The following ESRRG variants were observed in gnomAD, a reference collection of about 807,000 sequenced individuals.
ESRRG encodes estrogen-related receptor gamma.
In ESRRG, 13 loss-of-function variants were observed where a neutral mutation model predicts 44.0. The observed-to-expected ratio is 0.30, with a 90% CI of 0.19 to 0.47. The LOEUF is 0.47. Ranked by LOEUF, ESRRG falls within the 20% of genes least tolerant of loss-of-function variation. ESRRG has a pLI of 1.00. For missense variants in ESRRG, 395 were observed against 580.6 expected (o/e 0.68, Z 3.29); for synonymous variants, 215 against 214.6 (o/e 1.00, Z -0.02).
intron 1 of ESRRG, among the ~76,000 whole-genome samples, chr1:217,014,788 A>G (rs528851033): frequency 6.6e-6 from 1 of 152,302 alleles, no homozygotes; most frequent in Admixed American, 6.5e-5. Flanking sequence ...AGTTGGGTTC[A>G]ATTATTTTTA....
chr1:216,519,504 C>A, intron 5 of ESRRG, 83 bp from the exon 6 acceptor site: 1 of 1,321,814 alleles, frequency 7.6e-7, no homozygotes, highest in Non-Finnish European at 1.0e-6. Flanking sequence ...TAGCTGGCTT[C>A]TGCATCAGTG....
chr1:216,624,045 G>A (rs1469496976), intron 3 of ESRRG, among the ~76,000 whole-genome samples: 1 of 152,114 alleles, frequency 6.6e-6, no homozygotes, highest in African/African-American at 2.4e-5. Context: ...TTTCCTCTAA[G>A]ATACACTAAG....
chr1:216,918,834 G>A lies in ESRRG; in HGVS notation c.-14+20748C>T, dbSNP rs572940753. Among the ~76,000 whole-genome samples, 355 of 148,050 alleles carry A rather than the reference G, an allele frequency of 2.4e-3. 3 individuals are homozygous for A. The highest frequency in any genetic ancestry group is 7.8e-3 in the African/African-American group (319 of 40,764). On this transcript the variant is annotated intron_variant, in intron 2 of 7. Coordinates refer to the ESRRG transcript ENST00000359162. Reference sequence around the variant, plus strand: ...GAAAACCAGAGTAACATTTCTGATCGTAGATATATATATAATAATATATAT... The same window carrying A: ...GAAAACCAGAGTAACATTTCTGATCATAGATATATATATAATAATATATAT...
At chr1:216,986,451 T>C (rs2150451752) in intron 1 of ESRRG, among the ~76,000 whole-genome samples, 2 of 152,194 alleles carry the variant, frequency 1.3e-5, no homozygotes, top group Middle Eastern at 6.8e-3. Context: ...TGGTGGCTCA[T>C]GCCTCTAATC....
intron 5 of ESRRG, among the ~76,000 whole-genome samples, chr1:216,537,123 T>C (rs12118884): frequency 0.21 from 32,486 of 151,862 alleles, 4,054 homozygotes; most frequent in Non-Finnish European, 0.27. Context: ...TCGCCAAAGG[T>C]ATGACATTAG....
At chr1:216,776,875 A>T (rs1171588700) in intron 2 of ESRRG, among the ~76,000 whole-genome samples, 1 of 152,170 alleles carries the variant, frequency 6.6e-6, no homozygotes, top group East Asian at 1.9e-4. Flanking sequence ...GGACAGGGAC[A>T]GAAGAGCCAC....
intron 1 of ESRRG, among the ~76,000 whole-genome samples, chr1:216,960,107 T>C (rs1237988068): frequency 1.3e-5 from 2 of 150,950 alleles, no homozygotes; most frequent in Non-Finnish European, 3.0e-5. Flanking sequence ...GAATTACAAA[T>C]AGAACATTGA....
intron 3 of ESRRG, among the ~76,000 whole-genome samples, chr1:216,582,231 C>T (rs1169317654): frequency 2.0e-5 from 3 of 152,116 alleles, no homozygotes; most frequent in East Asian, 1.9e-4. Context: ...ACCCACACAT[C>T]CAGACCTAGC....
At chr1:216,920,413 TGTGTGTGCGC>T (rs1560114676) in intron 2 of ESRRG, among the ~76,000 whole-genome samples, 4 of 122,358 alleles carry the variant, frequency 3.3e-5, no homozygotes, top group Admixed American at 8.5e-5. Flanking sequence ...TGTGTGTGTG[TGTGTGTGCGC>T]ATATTTTTCT....
chr1:216,912,140 GAAAAGAAA>G, intron 2 of ESRRG, among the ~76,000 whole-genome samples: 1 of 27,006 alleles, frequency 3.7e-5, no homozygotes, highest in Non-Finnish European at 6.3e-5. Context: ...GAAAAGAAAA[GAAAAGAAA>G]AGAAAAGAAA....
rs187294759 is a variant in ESRRG, at chr1:217,080,683, T to G, written c.-106+8824A>C. ...TTTTGTTTTTTTGGTTTTTTTTTTT[T>G]TTTTTTTTTTTTGAGACAGAGTCTC... On this transcript the variant is annotated intron_variant, in intron 1 of 7. Coordinates refer to the ESRRG transcript ENST00000359162. Among the ~76,000 whole-genome samples the G allele has an allele frequency of 7.0e-4, 66 of 94,762 alleles. 1 individual carries two copies. In the East Asian group the frequency reaches 0.014, roughly 21 times the overall value. The allele number at this position is 94,762 out of a possible 152,430, so 62.2% of individuals were successfully genotyped here.
chr1:216,715,959 T>C (rs1250082123), intron 1 of ESRRG, among the ~76,000 whole-genome samples: 1 of 152,080 alleles, frequency 6.6e-6, no homozygotes, highest in African/African-American at 2.4e-5. Context: ...CTTCTGCCTA[T>C]TTTCTGTACA....
At chr1:217,059,908 G>A (rs1247507116) in intron 1 of ESRRG, among the ~76,000 whole-genome samples, 1 of 152,024 alleles carries the variant, frequency 6.6e-6, no homozygotes, top group Non-Finnish European at 1.5e-5. Context: ...TTTTTTAAAT[G>A]GGAAAGACTA....
intron 1 of ESRRG, among the ~76,000 whole-genome samples, chr1:216,942,486 C>T (rs557775033): frequency 6.6e-6 from 1 of 152,266 alleles, no homozygotes; most frequent in Admixed American, 6.5e-5. Context: ...TGAGAAACCT[C>T]CAAACTGCTT....
At chr1:216,637,628 C>T (rs908499492) in intron 3 of ESRRG, among the ~76,000 whole-genome samples, 1 of 152,172 alleles carries the variant, frequency 6.6e-6, no homozygotes, top group Non-Finnish European at 1.5e-5. Context: ...AGATTGAATC[C>T]TGGCTTTACC....
chr1:216,679,254 G>T (rs767724131), intron 1 of ESRRG, among the ~76,000 whole-genome samples: 7 of 152,162 alleles, frequency 4.6e-5, no homozygotes, highest in Non-Finnish European at 1.0e-4. Context: ...TCTCTCTTCT[G>T]CATCTGCTGC....
chr1:216,690,130 A>G (rs936099222), intron 1 of ESRRG, among the ~76,000 whole-genome samples: 2 of 152,112 alleles, frequency 1.3e-5, no homozygotes, highest in Non-Finnish European at 2.9e-5. Flanking sequence ...ACATATCCCC[A>G]CAAAAAGAAC....
At chr1:216,611,429 G>A (rs763464995) in intron 3 of ESRRG, among the ~76,000 whole-genome samples, 3 of 152,034 alleles carry the variant, frequency 2.0e-5, no homozygotes, top group Non-Finnish European at 4.4e-5. Flanking sequence ...TTATAAAGGT[G>A]TGTATAAATG....
intron 2 of ESRRG, among the ~76,000 whole-genome samples, chr1:216,769,070 C>CA (rs35453041): frequency 0.34 from 49,661 of 148,108 alleles, 8,435 homozygotes; most frequent in African/African-American, 0.42. Context: ...AAAAGGAGGC[C>CA]AAAAAAAAAA....
Sources: allele counts gnomAD v4.1 joint callset (sites outside exome capture counted in the v4.1 genomes callset), GRCh38; gene constraint gnomAD v4.1.1; transcripts MANE v1.5; gene names NCBI Gene and HGNC (gene_info 2026-07-23, HGNC 2026-07-21).